Variants in ZHX2 observed in about 807,000 individuals in gnomAD.
The protein encoded by ZHX2 is zinc fingers and homeoboxes 2.
Under a neutral mutation model 21.9 loss-of-function variants are expected in ZHX2, and 6 were observed. The observed-to-expected ratio is 0.27, with a 90% CI of 0.15 to 0.54. The LOEUF (loss-of-function observed/expected upper bound fraction) is 0.54, where lower values mean the gene tolerates loss of function less well. Among genes scored for constraint, ZHX2 ranks in the 20% least tolerant of loss-of-function variants. The pLI is 0.95. For synonymous variants in ZHX2, 434 were observed against 437.1 expected, an observed-to-expected ratio of 0.99 and a Z score of 0.09; for missense variants, 908 against 1,090.7, an observed-to-expected ratio of 0.83 and a Z score of 2.36.
At chr8:122,949,034 A>G (rs967901268) in intron 2 of ZHX2, among the ~76,000 whole-genome samples, 1 of 152,234 alleles carries the variant, frequency 6.6e-6, no homozygotes. Context: ...ACTAAAAGGT[A>G]AGTGATAGGG....
intron 1 of ZHX2, among the ~76,000 whole-genome samples, chr8:122,794,908 C>T (rs1034445049): frequency 6.6e-6 from 1 of 152,194 alleles, no homozygotes; most frequent in Non-Finnish European, 1.5e-5. Context: ...TTGTTCTCTT[C>T]TCTAACAGGC....
At position 122,933,069 on chromosome 8, in the gene ZHX2, G is replaced by C. The variant is rs796768701; in HGVS notation, c.-219-18223G>C. Among the ~76,000 whole-genome samples the C allele has an allele frequency of 1.5e-4, 23 of 152,256 alleles. 1 individual carries two copies. Among genetic ancestry groups the C allele is most frequent in the African/African-American group, 5.5e-4 (23 of 41,536 alleles). ...AGGCGTTCAAGGGAAAGCTGCAAAG[G>C]GTGGCCTGGAGGCGGGGATGGAGGG... On this transcript the variant is annotated intron_variant, in intron 2 of 3. Coordinates refer to ENST00000314393, the MANE Select transcript of ZHX2 (RefSeq NM_014943.5).
chr8:122,835,892 C>T (rs913666087), intron 1 of ZHX2, among the ~76,000 whole-genome samples: 11 of 152,204 alleles, frequency 7.2e-5, no homozygotes, highest in Admixed American at 5.2e-4. Flanking sequence ...TTATTTAATT[C>T]GTATTGTGGC....
At chr8:122,847,725 A>C (rs1818784617) in intron 1 of ZHX2, among the ~76,000 whole-genome samples, 1 of 152,208 alleles carries the variant, frequency 6.6e-6, no homozygotes, top group Non-Finnish European at 1.5e-5. Flanking sequence ...GCCAGGGCCC[A>C]GGGCATCCCA....
chr8:122,860,477 A>T (rs1313766068), intron 1 of ZHX2, among the ~76,000 whole-genome samples: 1 of 152,250 alleles, frequency 6.6e-6, no homozygotes, highest in Non-Finnish European at 1.5e-5. Flanking sequence ...TGCAGCACAC[A>T]ATTCACAATT....
At position 122,913,743 on chromosome 8, in the gene ZHX2, T is replaced by G. The variant is rs61482791; in HGVS notation, c.-219-37549T>G. Among the ~76,000 whole-genome samples, 1,038 of 152,350 alleles carry G rather than the reference T, an allele frequency of 6.8e-3. 12 individuals carry two copies. Among genetic ancestry groups the G allele is most frequent in the African/African-American group, 0.024 (994 of 41,588 alleles). Reference sequence around the variant, plus strand: ...TGGAGTTTAAATATGACACCCTCCTTGACCACAGAGCACATGTTTCACGTT... The same window carrying G: ...TGGAGTTTAAATATGACACCCTCCTGGACCACAGAGCACATGTTTCACGTT... On this transcript the variant is annotated intron_variant, in intron 2 of 3. Coordinates refer to ENST00000314393, the MANE Select transcript of ZHX2 (RefSeq NM_014943.5).
rs1333671902 is a variant in ZHX2, at chr8:122,862,886, C to T, written c.-282-591C>T. Among the ~76,000 whole-genome samples the T allele has an allele frequency of 3.3e-5, 5 of 152,128 alleles. No homozygotes were observed. In the East Asian group the frequency reaches 9.6e-4, roughly 29 times the overall value. ...GTGGTTAAACCTCTAGGGCTCAGGC[C>T]CCAACTTGCCGTGCTGTGAACACAT... On this transcript the variant is annotated intron_variant, in intron 1 of 3. Coordinates refer to ENST00000314393, the MANE Select transcript of ZHX2 (RefSeq NM_014943.5).
intron 2 of ZHX2, among the ~76,000 whole-genome samples, chr8:122,873,333 C>T (rs1043488479): frequency 6.6e-6 from 1 of 152,160 alleles, no homozygotes; most frequent in Non-Finnish European, 1.5e-5. Context: ...ATTCCACATG[C>T]GGGTCCCCCT....
At position 122,782,126 on chromosome 8, in the gene ZHX2, G is replaced by A. The variant is rs1420903228; in HGVS notation, c.-283+180G>A. Among the ~76,000 whole-genome samples the A allele has an allele frequency of 2.3e-5, 1 of 43,570 alleles. No individual in the cohort carries two copies. The highest frequency in any genetic ancestry group is 3.8e-5 in the African/African-American group (1 of 26,376). 28.6% of individuals were successfully genotyped at this position (43,570 alleles called of 152,430 possible). A position where few individuals can be genotyped will look rare whatever the true frequency, so the allele number is the denominator to read the frequency against. On this transcript the variant is annotated intron_variant, in intron 1 of 3. Coordinates refer to ENST00000314393, the MANE Select transcript of ZHX2 (RefSeq NM_014943.5). This position sits in a 1 kb window ranked among gnomAD's most constrained non-coding sequence, Gnocchi z 5.3. ...TTGTGATTGGAAGGGGGGTACGGAA[G>A]GGGGGGGGTGTGCAGGCTCTTTTTG...
chr8:122,967,652 G>A (rs1813616566), intron 3 of ZHX2, among the ~76,000 whole-genome samples: 1 of 152,228 alleles, frequency 6.6e-6, no homozygotes, highest in African/African-American at 2.4e-5. Flanking sequence ...ATTGCCACAT[G>A]GACAGACTCA....
chr8:122,830,105 G>A (rs1045663426), intron 1 of ZHX2, among the ~76,000 whole-genome samples: 2 of 152,214 alleles, frequency 1.3e-5, no homozygotes, highest in African/African-American at 4.8e-5. Flanking sequence ...CAGACAACAG[G>A]AGGCGGTGTG....
rs1385811685 is a variant in ZHX2, at chr8:122,821,774, G to A, written c.-283+39828G>A. On this transcript the variant is annotated intron_variant, in intron 1 of 3. Coordinates refer to ENST00000314393, the MANE Select transcript of ZHX2 (RefSeq NM_014943.5). ...GGCTGGAGTGCGGTGGCGCGATCTCGGCTCACTGCAACCTCCAACTCCTGG... is the reference window on the plus strand; with the variant it reads ...GGCTGGAGTGCGGTGGCGCGATCTCAGCTCACTGCAACCTCCAACTCCTGG... Among the ~76,000 whole-genome samples, 7 of 151,930 alleles carry A rather than the reference G, an allele frequency of 4.6e-5. No individual in the cohort carries two copies. In the East Asian group the frequency reaches 1.2e-3, roughly 25 times the overall value.
chr8:122,926,491 G>C (rs141322834), intron 2 of ZHX2, among the ~76,000 whole-genome samples: 1 of 152,200 alleles, frequency 6.6e-6, no homozygotes, highest in Admixed American at 6.5e-5. Flanking sequence ...CAAGCCAGCC[G>C]CTTCAGGACG....
At chr8:122,906,065 A>G (rs759365336) in intron 2 of ZHX2, among the ~76,000 whole-genome samples, 3 of 152,220 alleles carry the variant, frequency 2.0e-5, no homozygotes, top group Admixed American at 1.3e-4. Context: ...TCAGTTCAAA[A>G]GTACCTATCT....
At chr8:122,955,839 A>ATTTTTTTTTTTTCTTT (rs1813285027) in intron 3 of ZHX2, among the ~76,000 whole-genome samples, 1 of 104,924 alleles carries the variant, frequency 9.5e-6, no homozygotes, top group Non-Finnish European at 1.8e-5. Flanking sequence ...TGAGGGAGTG[A>ATTTTTTTTTTTTCTTT]TTTTTTTTTT....
intron 1 of ZHX2, among the ~76,000 whole-genome samples, chr8:122,824,560 G>GA (rs1411708651): frequency 6.6e-6 from 1 of 152,196 alleles, no homozygotes; most frequent in East Asian, 1.9e-4. Flanking sequence ...GTCAGAACTG[G>GA]AATGTACCTT....
At chr8:122,824,154 C>T (rs528230314) in intron 1 of ZHX2, among the ~76,000 whole-genome samples, 11 of 152,170 alleles carry the variant, frequency 7.2e-5, no homozygotes, top group Non-Finnish European at 1.3e-4. Flanking sequence ...CCTGGGAGGC[C>T]GGCCTTGTCC....
chr8:122,893,064 T>C (rs1216761812), intron 2 of ZHX2, among the ~76,000 whole-genome samples: 2 of 152,240 alleles, frequency 1.3e-5, no homozygotes, highest in Non-Finnish European at 2.9e-5. Context: ...TATTTCTCCT[T>C]TATTTCTGAA....
rs201657146 is a variant in ZHX2, at chr8:122,952,623, C to T, written c.1113C>T (p.Leu371=). The change falls in exon 3 of 4, where the codon CTC becomes CTT. Residue 371 remains leucine, a synonymous_variant. Transcript: ENST00000314393. This position sits in a 1 kb window ranked among gnomAD's most constrained non-coding sequence, Gnocchi z 6.9. ...ILQTALPCQI[L]GQTSLVLTQV... is the part of the protein sequence containing the mutation. ...AGACGGCTCTACCGTGCCAGATCCTCGGCCAGACTAGCCTGGTGCTGACTC... is the reference window on the plus strand; with the variant it reads ...AGACGGCTCTACCGTGCCAGATCCTTGGCCAGACTAGCCTGGTGCTGACTC... 1.2e-4 allele frequency: 198 copies of T among 1,614,174 alleles called. No homozygotes were observed. Among genetic ancestry groups the T allele is most frequent in the South Asian group, 8.8e-5 (8 of 91,090 alleles).
Sources: gnomAD v4.1 joint callset for allele counts (sites outside exome capture counted in the v4.1 genomes callset) on GRCh38, gnomAD v4.1.1 for gene constraint, Gnocchi (gnomAD v3.1) non-coding constraint, MANE v1.5 for transcripts, NCBI Gene and HGNC (gene_info 2026-07-23, HGNC 2026-07-21) for gene names.